OPCML: variants seen among roughly 807,000 people sequenced by gnomAD.
OPCML encodes the protein opioid-binding protein/cell adhesion molecule.
In OPCML, 13 loss-of-function variants were observed where a neutral mutation model predicts 37.8. That is an observed-to-expected ratio of 0.34 (90% confidence interval 0.22 to 0.55). OPCML has a LOEUF of 0.55. Ranked by LOEUF, OPCML falls within the 20% of genes least tolerant of loss-of-function variation. The probability of loss-of-function intolerance (pLI) is 0.91; values close to 1 mark genes in which losing one functional copy is unlikely to be tolerated. For missense variants in OPCML, 341 were observed against 435.6 expected (o/e 0.78, Z 1.93); for synonymous variants, 176 against 168.8 (o/e 1.04, Z -0.33).
chr11:132,791,110 AG>A (rs2136178715), intron 2 of OPCML, among the ~76,000 whole-genome samples: 1 of 152,222 alleles, frequency 6.6e-6, no homozygotes, highest in South Asian at 2.1e-4. Context: ...GGACCATGGG[AG>A]CCTGTGTGGT....
intron 2 of OPCML, among the ~76,000 whole-genome samples, chr11:132,764,928 C>T (rs1052782213): frequency 5.9e-5 from 9 of 152,230 alleles, no homozygotes; most frequent in Non-Finnish European, 1.3e-4. Flanking sequence ...TGTGCACAGC[C>T]GGCATAGCTC....
chr11:132,598,450 C>T (rs73041762), intron 3 of OPCML, among the ~76,000 whole-genome samples: 17,161 of 152,060 alleles, frequency 0.11, 1,630 homozygotes, highest in African/African-American at 0.24. Flanking sequence ...TAATTTCCAA[C>T]GCACGCCATT....
At chr11:132,926,072 C>T (rs1370411060) in intron 2 of OPCML, among the ~76,000 whole-genome samples, 1 of 152,198 alleles carries the variant, frequency 6.6e-6, no homozygotes, top group African/African-American at 2.4e-5. Flanking sequence ...GCTCAAATGT[C>T]ACCATCATCA....
chr11:133,091,894 A>C (rs1176258866), intron 1 of OPCML, among the ~76,000 whole-genome samples: 1 of 152,138 alleles, frequency 6.6e-6, no homozygotes, highest in African/African-American at 2.4e-5. Flanking sequence ...AGATGGAATG[A>C]ATATATTTTT....
intron 2 of OPCML, among the ~76,000 whole-genome samples, chr11:132,902,682 T>G (rs1591779281): frequency 1.3e-5 from 2 of 152,128 alleles, no homozygotes; most frequent in Non-Finnish European, 2.9e-5. Flanking sequence ...CTTTCTGACC[T>G]CTTCTGCCCT....
At chr11:132,532,160 G>A (rs560442903) in intron 3 of OPCML, among the ~76,000 whole-genome samples, 2 of 152,142 alleles carry the variant, frequency 1.3e-5, no homozygotes, top group Non-Finnish European at 2.9e-5. Flanking sequence ...TTGCTCAGGC[G>A]CTCAGTCAAT....
Position 133,323,464 on chromosome 11 carries a change from A to G in OPCML, c.61+208800T>C, listed in dbSNP as rs192837624. Reference sequence around the variant, plus strand: ...CTATATAAATAGGCTTTGCAAATTAACAAGCACCCGAAAGGCACCCAGAGA... The same window carrying G: ...CTATATAAATAGGCTTTGCAAATTAGCAAGCACCCGAAAGGCACCCAGAGA... On this transcript the variant is annotated intron_variant, in intron 1 of 7. Transcript: ENST00000524381. 4.8e-3 allele frequency among the ~76,000 whole-genome samples: 734 copies of G among 152,344 alleles called. 7 individuals are homozygous for G. Among genetic ancestry groups the G allele is most frequent in the African/African-American group, 0.017 (705 of 41,580 alleles).
intron 2 of OPCML, among the ~76,000 whole-genome samples, chr11:132,864,283 G>A (rs1185447626): frequency 6.6e-6 from 1 of 152,040 alleles, no homozygotes; most frequent in Admixed American, 6.6e-5. Context: ...AATAAGTTTT[G>A]TGTACCTGTT....
chr11:133,153,446 G>T (rs983280497), intron 1 of OPCML, among the ~76,000 whole-genome samples: 5 of 152,138 alleles, frequency 3.3e-5, no homozygotes, highest in Admixed American at 1.3e-4. Flanking sequence ...CACTGCAGTG[G>T]TCCACGGGAG....
At chr11:132,496,775 CA>C (rs2096232511) in intron 4 of OPCML, among the ~76,000 whole-genome samples, 1 of 152,170 alleles carries the variant, frequency 6.6e-6, no homozygotes. Context: ...CCCAATATTA[CA>C]AAATGCTACC....
chr11:132,951,686 T>C (rs1370510772), intron 1 of OPCML, among the ~76,000 whole-genome samples: 1 of 152,214 alleles, frequency 6.6e-6, no homozygotes, highest in Non-Finnish European at 1.5e-5. Flanking sequence ...TTGTCACAAG[T>C]TTCTTCTCTG....
intron 3 of OPCML, among the ~76,000 whole-genome samples, chr11:132,625,566 G>C (rs1038834574): frequency 6.6e-6 from 1 of 152,176 alleles, no homozygotes. Flanking sequence ...CTTCAGGAAA[G>C]AAGAGATTCA....
chr11:133,160,941 G>A (rs1312286454), intron 1 of OPCML, among the ~76,000 whole-genome samples: 1 of 152,234 alleles, frequency 6.6e-6, no homozygotes, highest in Non-Finnish European at 1.5e-5. Flanking sequence ...GCCATGTTCT[G>A]CACGGTGTGA....
rs139549309 is a variant in OPCML, at chr11:132,529,086, C to A, written c.480G>T (p.Val160=). 2.2e-4 allele frequency: 351 copies of A among 1,613,210 alleles called. 1 individual carries two copies. The African/African-American group carries it at 4.3e-3, about 20-fold the overall frequency. The change falls in exon 4 of 8, where the codon GTG becomes GTT. Residue 160 remains valine (V), a synonymous_variant. Transcript: ENST00000524381. The part of the protein sequence containing the change: ...CLAIGRPEPT[V]TWRHLSVKEG... ...CCTTGACTGACAGGTGTCTCCATGT[C>A]ACAGTTGGCTCTGGTCTGCCAATAG... is the stretch of plus-strand genomic sequence containing the variant.
At chr11:133,288,964 C>G (rs974512602) in intron 1 of OPCML, among the ~76,000 whole-genome samples, 8 of 152,122 alleles carry the variant, frequency 5.3e-5, no homozygotes, top group African/African-American at 1.9e-4. Flanking sequence ...GTGCTGGGCC[C>G]AACCCATCAG....
chr11:132,934,967 C>T (rs1165381422), intron 2 of OPCML, among the ~76,000 whole-genome samples: 1 of 151,924 alleles, frequency 6.6e-6, no homozygotes, highest in Non-Finnish European at 1.5e-5. Context: ...TAGAGAAACC[C>T]CTTCTGTACT....
At chr11:132,569,962 A>AT (rs976284592) in intron 3 of OPCML, among the ~76,000 whole-genome samples, 4 of 152,004 alleles carry the variant, frequency 2.6e-5, no homozygotes, top group Non-Finnish European at 4.4e-5. Flanking sequence ...AAAAAAAAAA[A>AT]CCGAAAAGCT....
chr11:133,418,534 C>A, intron 1 of OPCML: 1 of 886,368 alleles, frequency 1.1e-6, no homozygotes, highest in Non-Finnish European at 1.4e-6. Flanking sequence ...GTAGGAGAAA[C>A]CTGACATAGT....
chr11:132,855,375 C>T (rs1942014662), intron 2 of OPCML, among the ~76,000 whole-genome samples: 1 of 152,172 alleles, frequency 6.6e-6, no homozygotes, highest in South Asian at 2.1e-4. Context: ...TTAGTCTCTG[C>T]ATTCTTGGAG....
Sources: allele counts gnomAD v4.1 joint callset (sites outside exome capture counted in the v4.1 genomes callset), GRCh38; gene constraint gnomAD v4.1.1; transcripts MANE v1.5; gene names NCBI Gene and HGNC (gene_info 2026-07-23, HGNC 2026-07-21).